Variants in ATXN7L1 observed in about 807,000 individuals in gnomAD.
The protein encoded by ATXN7L1 is ataxin 7 like 1.
In ATXN7L1, 15 loss-of-function variants were observed where a neutral mutation model predicts 70.8. That is an observed-to-expected ratio of 0.21 (90% CI 0.14 to 0.33). The LOEUF is 0.33. ATXN7L1 is among the 10% of genes least tolerant of loss of function. The probability of loss-of-function intolerance (pLI) is 1.00; values close to 1 mark genes in which losing one functional copy is unlikely to be tolerated. For missense variants in ATXN7L1, 975 were observed against 1,097.1 expected (o/e 0.89, Z 1.57); for synonymous variants, 440 against 445.1 (o/e 0.99, Z 0.14).
At chr7:105,671,741 A>G (rs547523877) in intron 3 of ATXN7L1, among the ~76,000 whole-genome samples, 1 of 151,834 alleles carries the variant, frequency 6.6e-6, no homozygotes, top group East Asian at 1.9e-4. Flanking sequence ...ACAAAAAATT[A>G]AAAACAATCA....
In ATXN7L1 at chr7:105,790,638, CT is replaced by C. The variant is rs200488973; in HGVS notation, c.251-1931del. Among the ~76,000 whole-genome samples, 476 of 150,722 alleles carry C rather than the reference CT, an allele frequency of 3.2e-3. 7 individuals carry two copies. Among genetic ancestry groups the C allele is most frequent in the Admixed American group, 0.021 (308 of 14,916 alleles). On this transcript the variant is annotated intron_variant, in intron 2 of 11. Coordinates refer to ENST00000419735, the MANE Select transcript of ATXN7L1 (RefSeq NM_020725.2). ...TCTATCTATCTATCTATCTATCTAT[CT>C]ATCTATCTATCTATCATCTATCTAC...
At position 105,844,172 on chromosome 7, in the gene ATXN7L1, C is replaced by T. The variant is rs954881926; in HGVS notation, c.250+31640G>A. On this transcript the variant is annotated intron_variant, in intron 2 of 11. Coordinates refer to ENST00000419735, the MANE Select transcript of ATXN7L1 (RefSeq NM_020725.2). ...GAAACTCAGGCAGAAGTTGCAAGAC[C>T]CTTGTGACCCAGGCTCTGTGTCACT... Among the ~76,000 whole-genome samples the T allele has an allele frequency of 2.6e-5, 4 of 152,264 alleles. No homozygotes were observed. In the South Asian group the frequency reaches 6.2e-4, roughly 24 times the overall value.
chr7:105,638,137 A>C (rs1797654938), intron 7 of ATXN7L1, among the ~76,000 whole-genome samples: 1 of 152,200 alleles, frequency 6.6e-6, no homozygotes, highest in South Asian at 2.1e-4. Context: ...AGTGATGATA[A>C]TAATGATGAC....
At chr7:105,841,424 T>C (rs1813195104) in intron 2 of ATXN7L1, among the ~76,000 whole-genome samples, 2 of 152,222 alleles carry the variant, frequency 1.3e-5, no homozygotes, top group African/African-American at 2.4e-5. Context: ...GGTCCAAAAA[T>C]ATTAAGTGGA....
intron 7 of ATXN7L1, among the ~76,000 whole-genome samples, chr7:105,628,214 A>G (rs1248838346): frequency 6.6e-6 from 1 of 152,196 alleles, no homozygotes; most frequent in Non-Finnish European, 1.5e-5. Context: ...AATTTACATC[A>G]AAACATATCA....
At chr7:105,861,742 G>A (rs932988411) in intron 2 of ATXN7L1, among the ~76,000 whole-genome samples, 7 of 152,160 alleles carry the variant, frequency 4.6e-5, no homozygotes, top group Non-Finnish European at 8.8e-5. Flanking sequence ...AAAGCCTCAC[G>A]CTCCAAGGGA....
intron 3 of ATXN7L1, among the ~76,000 whole-genome samples, chr7:105,758,195 T>C (rs1800045330): frequency 1.3e-5 from 2 of 152,176 alleles, no homozygotes; most frequent in Non-Finnish European, 2.9e-5. Context: ...CCAGCAGTGA[T>C]ATGTGAAGGG....
intron 2 of ATXN7L1, among the ~76,000 whole-genome samples, chr7:105,836,278 A>T (rs1237790222): frequency 6.6e-6 from 1 of 152,188 alleles, no homozygotes; most frequent in Non-Finnish European, 1.5e-5. Context: ...AAGAGAAAAT[A>T]TTTAGCCGAA....
chr7:105,678,444 C>T (rs531367936), intron 3 of ATXN7L1, among the ~76,000 whole-genome samples: 5 of 152,288 alleles, frequency 3.3e-5, no homozygotes, highest in African/African-American at 1.2e-4. Context: ...GTGGGCCAGT[C>T]GCCTGCGTTG....
chr7:105,616,967 C>T (rs756816055), intron 9 of ATXN7L1, among the ~76,000 whole-genome samples: 1 of 152,126 alleles, frequency 6.6e-6, no homozygotes, highest in Non-Finnish European at 1.5e-5. Context: ...AAGTTATTTA[C>T]AAATACCAGA....
chr7:105,716,744 G>A (rs1198056938), intron 3 of ATXN7L1, among the ~76,000 whole-genome samples: 1 of 150,214 alleles, frequency 6.7e-6, no homozygotes, highest in Non-Finnish European at 1.5e-5. Flanking sequence ...GCCAGGTATG[G>A]TGGCATGCAC....
At chr7:105,646,475 TG>T (rs1799041901) in intron 4 of ATXN7L1, among the ~76,000 whole-genome samples, 1 of 152,094 alleles carries the variant, frequency 6.6e-6, no homozygotes, top group Non-Finnish European at 1.5e-5. Context: ...TGGAGTGCAG[TG>T]GCACAATCTC....
At chr7:105,620,175 T>C (rs1011345996) in intron 9 of ATXN7L1, 25 bp downstream of exon 9, 37 of 1,550,150 alleles carry the variant, frequency 2.4e-5, no homozygotes, top group Non-Finnish European at 3.2e-5. Flanking sequence ...TTGGATCTTA[T>C]ATTGCACAAA....
chr7:105,613,676 G>T (rs749407281), intron 10 of ATXN7L1, 186 bp downstream of exon 10: 1 of 1,454,590 alleles, frequency 6.9e-7, no homozygotes, highest in Non-Finnish European at 9.0e-7. Flanking sequence ...AGCACATAGT[G>T]AGCGTGGTAT....
At position 105,614,881 on chromosome 7, in the gene ATXN7L1, C is replaced by G. The variant is rs946647727; in HGVS notation, c.1518-65G>C. On this transcript the variant is annotated intron_variant, in intron 9 of 11. Transcript: ENST00000419735. This position sits in a 1 kb window ranked among gnomAD's most constrained non-coding sequence, Gnocchi z 4.3. ...TCGGGTTGGCATTGCTCAGGAGGCT[C>G]GATGACGTTTGAGGATCAGGGCTAC... 4 of 1,491,416 alleles carry G rather than the reference C, an allele frequency of 2.7e-6. No individual in the cohort carries two copies. In the African/African-American group the frequency reaches 4.2e-5, roughly 16 times the overall value. 92.4% of individuals were successfully genotyped at this position (1,491,416 alleles called of 1,614,324 possible). A position where few individuals can be genotyped will look rare whatever the true frequency, so the allele number is the denominator to read the frequency against.
intron 2 of ATXN7L1, among the ~76,000 whole-genome samples, chr7:105,854,525 T>G (rs212418): frequency 0.91 from 129,608 of 142,674 alleles, 58,656 homozygotes; most frequent in East Asian, 0.98. Context: ...CAGACCCTTA[T>G]AGAGGAAAAA....
intron 2 of ATXN7L1, among the ~76,000 whole-genome samples, chr7:105,840,322 A>T (rs1813021722): frequency 2.0e-5 from 3 of 152,200 alleles, no homozygotes. Flanking sequence ...GGTTACTATG[A>T]AGGTCCTAGA....
intron 7 of ATXN7L1, among the ~76,000 whole-genome samples, chr7:105,631,477 C>G (rs1796590019): frequency 6.6e-6 from 1 of 152,184 alleles, no homozygotes; most frequent in African/African-American, 2.4e-5. Context: ...TTCTGTACCC[C>G]AGTAAACTTT....
At chr7:105,812,361 A>T (rs180976709) in intron 2 of ATXN7L1, among the ~76,000 whole-genome samples, 8 of 152,334 alleles carry the variant, frequency 5.3e-5, no homozygotes, top group Admixed American at 5.2e-4. Context: ...CTACCTGTTC[A>T]GTTGATTTCC....
Sources: gnomAD v4.1 joint callset for allele counts (sites outside exome capture counted in the v4.1 genomes callset) on GRCh38, gnomAD v4.1.1 for gene constraint, Gnocchi (gnomAD v3.1) non-coding constraint, MANE v1.5 for transcripts, NCBI Gene and HGNC (gene_info 2026-07-23, HGNC 2026-07-21) for gene names.